The following BBOX1 variants were observed in gnomAD, a reference collection of about 807,000 sequenced individuals.
BBOX1 encodes the protein gamma-butyrobetaine hydroxylase 1, also known as gamma-butyrobetaine dioxygenase.
BBOX1 carries 35 observed loss-of-function variants against 41.6 expected under a neutral mutation model. The ratio of observed to expected loss-of-function variants is 0.84; its 90% CI spans 0.64 to 1.11. The LOEUF is 1.11. BBOX1 is among the 50% of genes most tolerant of loss of function. BBOX1 has a pLI of 0.00. For missense variants in BBOX1, 458 were observed against 460.6 expected, an observed-to-expected ratio of 0.99 and a Z score of 0.05; for synonymous variants, 163 against 154.7, an observed-to-expected ratio of 1.05 and a Z score of -0.40.
At chr11:27,066,798 C>CAA (rs1407161727) in intron 4 of BBOX1, 7 of 151,898 alleles carry the variant, frequency 4.6e-5, no homozygotes, top group Admixed American at 1.3e-4. Context: ...ATTGATTTGC[C>CAA]TAATTTCTGG....
chr11:27,118,831 A>G (rs1211748062), intron 6 of BBOX1, among the ~76,000 whole-genome samples: 1 of 151,876 alleles, frequency 6.6e-6, no homozygotes, highest in Non-Finnish European at 1.5e-5. Flanking sequence ...CTGTCAGTTC[A>G]TGATGGCAAA....
At chr11:27,055,715 T>C (rs1856960257) in intron 3 of BBOX1, 66 bp downstream of exon 3, 1 of 1,428,274 alleles carries the variant, frequency 7.0e-7, no homozygotes, top group African/African-American at 1.4e-5. Flanking sequence ...TCAACAATAA[T>C]TTAGATAACT....
chr11:27,060,595 G>C (rs151301669), intron 4 of BBOX1, among the ~76,000 whole-genome samples: 1 of 151,948 alleles, frequency 6.6e-6, no homozygotes, highest in Non-Finnish European at 1.5e-5. Flanking sequence ...TCTTAAACAT[G>C]TGTGGTAACT....
At chr11:27,078,548 G>A (rs1857715570) in intron 4 of BBOX1, among the ~76,000 whole-genome samples, 1 of 152,098 alleles carries the variant, frequency 6.6e-6, no homozygotes, top group Non-Finnish European at 1.5e-5. Flanking sequence ...GATGAAGCTG[G>A]AAACCATCAT....
intron 2 of BBOX1, 50 bp from the exon 3 acceptor site, chr11:27,055,343 A>C (rs905410094): frequency 2.9e-6 from 4 of 1,364,430 alleles, no homozygotes; most frequent in African/African-American, 2.9e-5. Context: ...TCAGAGGCCA[A>C]GTTTAGATCT....
At chr11:27,105,890 C>G (rs1858848406) in intron 5 of BBOX1, among the ~76,000 whole-genome samples, 2 of 152,256 alleles carry the variant, frequency 1.3e-5, no homozygotes, top group South Asian at 4.1e-4. Context: ...AAGAGTGGGT[C>G]TCTCGGCAGA....
Position 27,093,940 on chromosome 11 carries a change from G to A in BBOX1, c.533+574G>A, listed in dbSNP as rs114849717. Among the ~76,000 whole-genome samples the A allele has an allele frequency of 2.3e-3, 353 of 152,020 alleles. 2 individuals carry two copies. The highest frequency in any genetic ancestry group is 7.6e-3 in the African/African-American group (315 of 41,524). Reference sequence around the variant, plus strand: ...AATTTGGGGGGACATAATTTATTCCGTAACAGGTGAGATGAAAGACTGTGT... The same window carrying A: ...AATTTGGGGGGACATAATTTATTCCATAACAGGTGAGATGAAAGACTGTGT... On this transcript the variant is annotated intron_variant, in intron 5 of 8. Coordinates refer to ENST00000263182, the MANE Select transcript of BBOX1 (RefSeq NM_003986.3).
intron 8 of BBOX1, among the ~76,000 whole-genome samples, chr11:27,126,508 G>A (rs1469233133): frequency 1.3e-5 from 2 of 151,914 alleles, no homozygotes; most frequent in East Asian, 3.9e-4. Flanking sequence ...TTAAAGCTTC[G>A]GTTTCTTCAT....
intron 2 of BBOX1, among the ~76,000 whole-genome samples, chr11:27,054,538 A>G (rs963067081): frequency 6.6e-6 from 1 of 152,172 alleles, no homozygotes; most frequent in African/African-American, 2.4e-5. Context: ...CTCAAGCATA[A>G]TACCACGGTG....
intron 2 of BBOX1, among the ~76,000 whole-genome samples, chr11:27,048,258 T>C (rs889036979): frequency 1.3e-5 from 2 of 152,056 alleles, no homozygotes; most frequent in African/African-American, 4.8e-5. Flanking sequence ...CATATCCCCA[T>C]TTCTCCCACC....
In BBOX1 at chr11:27,101,510, A is replaced by G. The variant is rs374105783; in HGVS notation, c.533+8144A>G. ...CTCATTAATTATTTCACATTTTTGC[A>G]ATGTACTACATTATTTGTTTTTTAT... On this transcript the variant is annotated intron_variant, in intron 5 of 8. Transcript: ENST00000263182. Among the ~76,000 whole-genome samples, 60 of 152,214 alleles carry G rather than the reference A, an allele frequency of 3.9e-4. No homozygotes were observed. In the South Asian group the frequency reaches 0.011, roughly 27 times the overall value.
rs577452631 is a variant in BBOX1 at position 27,071,117 on chromosome 11, A to G, written c.334+13802A>G. 9.2e-5 allele frequency among the ~76,000 whole-genome samples: 14 copies of G among 152,200 alleles called. 1 individual carries two copies. In the South Asian group the frequency reaches 2.1e-3, roughly 23 times the overall value. On this transcript the variant is annotated intron_variant, in intron 4 of 8. Coordinates refer to ENST00000263182, the MANE Select transcript of BBOX1 (RefSeq NM_003986.3). Reference sequence around the variant, plus strand: ...AGGTCAGGTGCGGTGGCTCATGCCTATAATCCCAGCACTTTAGGAGGCAAA... The same window carrying G: ...AGGTCAGGTGCGGTGGCTCATGCCTGTAATCCCAGCACTTTAGGAGGCAAA...
intron 4 of BBOX1, among the ~76,000 whole-genome samples, chr11:27,069,655 C>G (rs991455741): frequency 6.6e-6 from 1 of 152,022 alleles, no homozygotes; most frequent in Non-Finnish European, 1.5e-5. Flanking sequence ...TTCCAGTTCT[C>G]AGGAACTGGA....
At chr11:27,092,966 T>A (rs1225921835) in intron 4 of BBOX1, among the ~76,000 whole-genome samples, 1 of 151,938 alleles carries the variant, frequency 6.6e-6, no homozygotes. Context: ...GACACAGTTA[T>A]AAGCAGGAGG....
At chr11:27,055,900 T>C (rs1283348311) in intron 3 of BBOX1, among the ~76,000 whole-genome samples, 1 of 152,176 alleles carries the variant, frequency 6.6e-6, no homozygotes, top group East Asian at 1.9e-4. Flanking sequence ...GTCAAATTAG[T>C]ATGTAGAGAT....
chr11:27,053,105 C>T (rs1258189524), intron 2 of BBOX1, among the ~76,000 whole-genome samples: 1 of 151,986 alleles, frequency 6.6e-6, no homozygotes, highest in Non-Finnish European at 1.5e-5. Context: ...AACCGATATG[C>T]ATTCAGCAAT....
At chr11:27,101,944 A>T (rs969676430) in intron 5 of BBOX1, among the ~76,000 whole-genome samples, 1 of 152,124 alleles carries the variant, frequency 6.6e-6, no homozygotes, top group African/African-American at 2.4e-5. Context: ...TCCAGTACTT[A>T]TTCATATAAT....
intron 4 of BBOX1, among the ~76,000 whole-genome samples, chr11:27,057,925 T>C (rs1315468799): frequency 2.0e-5 from 3 of 152,114 alleles, no homozygotes; most frequent in Non-Finnish European, 4.4e-5. Flanking sequence ...ATTCAGTGGA[T>C]AAAGAGGACT....
chr11:27,120,395 A>G (rs1283253300), intron 7 of BBOX1, among the ~76,000 whole-genome samples: 1 of 152,104 alleles, frequency 6.6e-6, no homozygotes, highest in African/African-American at 2.4e-5. Context: ...TCCCTGAATC[A>G]ATCATCATGG....
Sources: gnomAD v4.1 joint callset for allele counts (sites outside exome capture counted in the v4.1 genomes callset) on GRCh38, gnomAD v4.1.1 for gene constraint, MANE v1.5 for transcripts, NCBI Gene and HGNC (gene_info 2026-07-23, HGNC 2026-07-21) for gene names.